ZNF503: variants seen among roughly 807,000 people sequenced by gnomAD.
ZNF503 encodes zinc finger protein 503.
Under a neutral mutation model 34.4 loss-of-function variants are expected in ZNF503, and 15 were observed. The ratio of observed to expected loss-of-function variants is 0.44; its 90% CI spans 0.29 to 0.67. The LOEUF (loss-of-function observed/expected upper bound fraction) is 0.67. ZNF503 is among the 30% of genes least tolerant of loss of function. The probability of loss-of-function intolerance (pLI) is 0.13; values close to 1 mark genes in which losing one functional copy is unlikely to be tolerated. For missense variants in ZNF503, 1,007 were observed against 926.8 expected (o/e 1.09, Z -1.12); for synonymous variants, 580 against 456.8 (o/e 1.27, Z -3.44).
At chr10:75,365,014 C>T in the ZNF503 span, among the ~76,000 whole-genome samples, 1 of 152,312 alleles carries the variant, frequency 6.6e-6, no homozygotes, top group Non-Finnish European at 1.5e-5. Context: ...GGGATGACTG[C>T]GCATTCCCGA....
the ZNF503 span, among the ~76,000 whole-genome samples, chr10:75,329,182 G>A: frequency 6.6e-6 from 1 of 152,030 alleles, no homozygotes; most frequent in Admixed American, 6.5e-5. Flanking sequence ...TTGTGAATGG[G>A]ATTGCTTTCT....
chr10:75,369,844 A>G, the ZNF503 span, among the ~76,000 whole-genome samples: 6 of 152,176 alleles, frequency 3.9e-5, no homozygotes, highest in Admixed American at 3.9e-4. Context: ...AGGTGGGCAG[A>G]TCACTTGAGG....
the ZNF503 span, among the ~76,000 whole-genome samples, chr10:75,320,459 C>G: frequency 6.6e-6 from 1 of 151,738 alleles, no homozygotes; most frequent in Non-Finnish European, 1.5e-5. Context: ...CCAGCACGGG[C>G]AACAGAGTGA....
the ZNF503 span, among the ~76,000 whole-genome samples, chr10:75,302,771 G>T: frequency 6.6e-6 from 1 of 152,184 alleles, no homozygotes; most frequent in African/African-American, 2.4e-5. Flanking sequence ...TTGCCATTGA[G>T]ATCACTTATC....
the ZNF503 span, among the ~76,000 whole-genome samples, chr10:75,327,762 A>T: frequency 1.3e-5 from 2 of 152,206 alleles, no homozygotes; most frequent in Admixed American, 1.3e-4. Context: ...CAGCATTTTT[A>T]AAAAAATCTT....
the ZNF503 span, among the ~76,000 whole-genome samples, chr10:75,295,274 C>A: frequency 6.6e-6 from 1 of 151,734 alleles, no homozygotes; most frequent in Non-Finnish European, 1.5e-5. This position sits in a 1 kb window ranked among gnomAD's most constrained non-coding sequence, Gnocchi z 4.0. Context: ...GGCCCCGGGG[C>A]GCCCTCACAC....
the ZNF503 span, among the ~76,000 whole-genome samples, chr10:75,336,641 T>C: frequency 2.0e-5 from 3 of 152,282 alleles, no homozygotes; most frequent in South Asian, 2.1e-4. Flanking sequence ...CCAGGTGGCT[T>C]GTCTGATTTC....
At chr10:75,364,578 G>C in the ZNF503 span, among the ~76,000 whole-genome samples, 2 of 152,082 alleles carry the variant, frequency 1.3e-5, no homozygotes, top group Admixed American at 1.3e-4. Flanking sequence ...CCAGAGACAG[G>C]CATCCCCAGC....
chr10:75,369,463 C>T, the ZNF503 span, among the ~76,000 whole-genome samples: 3 of 152,150 alleles, frequency 2.0e-5, no homozygotes, highest in Admixed American at 6.5e-5. Context: ...CCCCTTCACT[C>T]GGCTCTCACA....
chr10:75,358,590 C>A, the ZNF503 span: 1 of 152,102 alleles, frequency 6.6e-6, no homozygotes, highest in Non-Finnish European at 1.5e-5. Context: ...GGAGGGGAGG[C>A]CTGCCTTCCT....
chr10:75,379,324 A>C, the ZNF503 span, among the ~76,000 whole-genome samples: 4 of 152,208 alleles, frequency 2.6e-5, no homozygotes, highest in African/African-American at 7.2e-5. Flanking sequence ...GATGAATATG[A>C]CATGTGACCA....
rs993631159 is a variant in ZNF503 at position 75,397,836 on chromosome 10, T to G, written c.*913A>C. On this transcript the variant is annotated 3_prime_UTR_variant, in exon 2 of 2. Transcript: ENST00000372524. The stretch of plus-strand genomic sequence containing the variant: ...AAATAAAAAAGATAAGAAGAAGAAG[T>G]AAAACCCTTTAATACATCAAATATA... The G allele has an allele frequency of 3.9e-5, 6 of 152,598 alleles. No homozygotes were observed. Among genetic ancestry groups the G allele is most frequent in the African/African-American group, 1.4e-4 (6 of 41,430 alleles). The allele number at this position is 152,598 out of a possible 1,614,324, so 9.5% of individuals were successfully genotyped here. A position where few individuals can be genotyped will look rare whatever the true frequency, so the allele number is the denominator to read the frequency against.
the ZNF503 span, among the ~76,000 whole-genome samples, chr10:75,377,582 T>G: frequency 6.6e-6 from 1 of 152,158 alleles, no homozygotes; most frequent in Admixed American, 6.5e-5. Context: ...GTCTTTTTAG[T>G]GCATCAAGAG....
At position 75,398,893 on chromosome 10, in the gene ZNF503, G is replaced by A. The variant is rs771359812; in HGVS notation, c.1797C>T (p.Ser599=). ...LRSPHHALGL[S]SRYHPYSKSP... ...TCTTGGAGTAGGGGTGGTAGCGGCT[G>A]CTGAGTCCCAGCGCGTGGTGGGGGC... Residue 599 remains serine, a synonymous_variant, in exon 2 of 2, where the codon AGC becomes AGT. Coordinates refer to ENST00000372524, the MANE Select transcript of ZNF503 (RefSeq NM_032772.6). 5.2e-6 allele frequency: 8 copies of A among 1,543,498 alleles called. No homozygotes were observed. The South Asian group carries it at 8.7e-5, about 17-fold the overall frequency.
At chr10:75,289,998 C>A in the ZNF503 span, among the ~76,000 whole-genome samples, 2 of 152,306 alleles carry the variant, frequency 1.3e-5, no homozygotes, top group South Asian at 4.1e-4. Flanking sequence ...ACAATAATTC[C>A]CCATTCTCTC....
At chr10:75,289,724 T>A in the ZNF503 span, among the ~76,000 whole-genome samples, 4 of 152,118 alleles carry the variant, frequency 2.6e-5, no homozygotes, top group Admixed American at 6.6e-5. Context: ...TAGCTGGGAC[T>A]GCAGCTAACT....
chr10:75,308,349 C>A, the ZNF503 span, among the ~76,000 whole-genome samples: 1 of 152,154 alleles, frequency 6.6e-6, no homozygotes, highest in African/African-American at 2.4e-5. Flanking sequence ...TGCCCATTGA[C>A]AATGCACCTA....
At chr10:75,351,478 TG>T in the ZNF503 span, among the ~76,000 whole-genome samples, 1 of 152,208 alleles carries the variant, frequency 6.6e-6, no homozygotes, top group East Asian at 1.9e-4. Context: ...AGCCAGGAGG[TG>T]GCATTTTTGA....
At chr10:75,324,972 T>C in the ZNF503 span, among the ~76,000 whole-genome samples, 1 of 152,242 alleles carries the variant, frequency 6.6e-6, no homozygotes, top group Admixed American at 6.5e-5. Flanking sequence ...ATTTTATGGA[T>C]ATATCAATTT....
Sources: gnomAD v4.1 joint callset for allele counts (sites outside exome capture counted in the v4.1 genomes callset) on GRCh38, gnomAD v4.1.1 for gene constraint, Gnocchi (gnomAD v3.1) non-coding constraint, MANE v1.5 for transcripts, NCBI Gene and HGNC (gene_info 2026-07-23, HGNC 2026-07-21) for gene names.